CCT8: variants seen among roughly 807,000 people sequenced by gnomAD.
CCT8 encodes chaperonin containing TCP1 subunit 8.
In CCT8, 10 loss-of-function variants were observed where a neutral mutation model predicts 65.7. The observed-to-expected ratio is 0.15, with a 90% confidence interval of 0.09 to 0.26. CCT8 has a LOEUF of 0.26. Among genes scored for constraint, CCT8 ranks in the 10% least tolerant of loss-of-function variants. CCT8 has a pLI of 1.00. For synonymous variants in CCT8, 199 were observed against 221.8 expected, an observed-to-expected ratio of 0.90 and a Z score of 0.92; for missense variants, 568 against 669.1, an observed-to-expected ratio of 0.85 and a Z score of 1.67.
intron 7 of CCT8, 115 bp from the exon 8 acceptor site, chr21:29,063,645 A>C: frequency 1.1e-6 from 1 of 892,998 alleles, no homozygotes. Context: ...ATGAAGATAT[A>C]TGTGCATATA....
chr21:29,071,199 A>T (rs1311660807), intron 1 of CCT8, among the ~76,000 whole-genome samples: 2 of 152,204 alleles, frequency 1.3e-5, no homozygotes, highest in African/African-American at 2.4e-5. Flanking sequence ...AATTAAAATT[A>T]AAAAATTCAG....
At position 29,062,418 on chromosome 21, in the gene CCT8, G is replaced by A. The variant is rs1189505988; in HGVS notation, c.1009-3C>T. On this transcript the variant is annotated splice_region_variant and splice_polypyrimidine_tract_variant and intron_variant, in intron 9 of 14. Transcript: ENST00000286788. Reference sequence around the variant, plus strand: ...ATTTCTTCAAGGACAGGAGGTGTCTGTAAGAAAGTGACTGTTGTAATAAAA... The same window carrying A: ...ATTTCTTCAAGGACAGGAGGTGTCTATAAGAAAGTGACTGTTGTAATAAAA... 2 of 1,612,708 alleles carry A rather than the reference G, an allele frequency of 1.2e-6. No homozygotes were observed. The highest frequency in any genetic ancestry group is 8.5e-7 in the Non-Finnish European group (1 of 1,178,756).
intron 11 of CCT8, 109 bp downstream of exon 11, chr21:29,062,019 C>G: frequency 1.4e-6 from 1 of 730,334 alleles, no homozygotes; most frequent in East Asian, 2.5e-5. Context: ...TTCATATAAA[C>G]CACTCATTCT....
chr21:29,070,661 T>C (rs2085670584), intron 1 of CCT8, among the ~76,000 whole-genome samples: 1 of 152,194 alleles, frequency 6.6e-6, no homozygotes, highest in Non-Finnish European at 1.5e-5. Context: ...TCCTCTCTAG[T>C]TGAATGAATA....
chr21:29,072,010 TA>T (rs58699995), intron 1 of CCT8: 603 of 614,244 alleles, frequency 9.8e-4, no homozygotes, highest in Admixed American at 2.1e-3. Context: ...GTTGTTGTTT[TA>T]AAAAAAAAAC....
At chr21:29,065,502 G>C (rs2085612167) in intron 6 of CCT8, among the ~76,000 whole-genome samples, 1 of 152,216 alleles carries the variant, frequency 6.6e-6, no homozygotes, top group South Asian at 2.1e-4. Context: ...AGTACGTGGA[G>C]GGAGACAGCA....
Position 29,061,259 on chromosome 21 carries a change from A to G in CCT8, c.1443T>C (p.Asp481=), listed in dbSNP as rs765586727. ...TCAGTGTTTTTTCAAATACCTCAAT[A>G]TCTAATCCAACGTTTTTATTTCCTT... The part of the protein sequence containing the change: ...HQEGNKNVGL[D]IEAEVPAVKD... Residue 481 remains aspartate, a synonymous_variant, in exon 13 of 15, where the codon GAT becomes GAC. Transcript: ENST00000286788. The G allele has an allele frequency of 6.2e-7, 1 of 1,612,636 alleles. No individual in the cohort carries two copies. Among genetic ancestry groups the G allele is most frequent in the Admixed American group, 1.7e-5 (1 of 59,938 alleles).
chr21:29,070,404 C>CAAGATATAAGCA, intron 1 of CCT8, 67 bp from the exon 2 acceptor site: 3 of 927,566 alleles, frequency 3.2e-6, no homozygotes, highest in Non-Finnish European at 4.9e-6. Context: ...ATTTCAAATA[C>CAAGATATAAGCA]AAGATATCTT....
At chr21:29,066,637 T>G in intron 6 of CCT8, 79 bp downstream of exon 6, 1 of 865,928 alleles carries the variant, frequency 1.2e-6, no homozygotes. Flanking sequence ...ACACATTTTT[T>G]TTTTTTTGCA....
chr21:29,057,755 A>G, intron 14 of CCT8, among the ~76,000 whole-genome samples: 1 of 91,604 alleles, frequency 1.1e-5, no homozygotes, highest in East Asian at 2.6e-4. Context: ...ATGTATATGT[A>G]TGATATGAGA....
chr21:29,063,624 G>A (rs1046023262), intron 7 of CCT8, 94 bp from the exon 8 acceptor site: 3 of 1,236,580 alleles, frequency 2.4e-6, no homozygotes, highest in Non-Finnish European at 3.4e-6. Context: ...ATAAAGGTTT[G>A]GCAAAAAAAT....
chr21:29,058,716 C>A (rs142098854), intron 14 of CCT8, among the ~76,000 whole-genome samples: 1 of 150,674 alleles, frequency 6.6e-6, no homozygotes, highest in Non-Finnish European at 1.5e-5. Context: ...CTCAGCCTCC[C>A]GAGTAGCTGG....
chr21:29,066,648 CA>C (rs758539577), intron 6 of CCT8, 67 bp downstream of exon 6: 4 of 988,442 alleles, frequency 4.0e-6, no homozygotes, highest in Admixed American at 2.8e-5. Flanking sequence ...TTTTTTTGCA[CA>C]AAAAAACAAA....
chr21:29,069,660 T>C (rs1254960834), intron 2 of CCT8, among the ~76,000 whole-genome samples, 158 bp from the exon 3 acceptor site: 3 of 152,258 alleles, frequency 2.0e-5, no homozygotes, highest in African/African-American at 4.8e-5. Flanking sequence ...GTTTATCTTA[T>C]AGCCCCATGG....
At position 29,061,172 on chromosome 21, in the gene CCT8, A is replaced by C. The variant is rs149069543; in HGVS notation, c.1449+81T>G. 3 of 1,106,492 alleles carry C rather than the reference A, an allele frequency of 2.7e-6. No individual in the cohort carries two copies. The Admixed American group carries it at 6.2e-5, about 23-fold the overall frequency. The allele number at this position is 1,106,492 out of a possible 1,614,324, so 68.5% of individuals were successfully genotyped here. A position where few individuals can be genotyped will look rare whatever the true frequency, so the allele number is the denominator to read the frequency against. ...CAAATCAGAACACTGTTTCTCATTG[A>C]TATTTCTTTTAAACTCATACTATTT... On this transcript the variant is annotated intron_variant, in intron 13 of 14. Transcript: ENST00000286788.
At chr21:29,065,801 C>T (rs938404409) in intron 6 of CCT8, among the ~76,000 whole-genome samples, 2 of 152,046 alleles carry the variant, frequency 1.3e-5, no homozygotes, top group South Asian at 2.1e-4. Flanking sequence ...TAGTATTTTG[C>T]GCTGGGCGCG....
chr21:29,057,722 CAT>C (rs1048309404), intron 14 of CCT8, among the ~76,000 whole-genome samples: 6 of 82,380 alleles, frequency 7.3e-5, no homozygotes, highest in Admixed American at 1.2e-4. Flanking sequence ...ATATATCATA[CAT>C]ATATGTATGA....
At chr21:29,061,213 C>T (rs1601089137) in intron 13 of CCT8, 40 bp downstream of exon 13, 1 of 1,507,004 alleles carries the variant, frequency 6.6e-7, no homozygotes, top group East Asian at 2.3e-5. Context: ...TTGTGCATTC[C>T]CCAAATAAAG....
chr21:29,066,740 A>G lies in CCT8; in HGVS notation c.600T>C (p.Asp200=). The G allele has an allele frequency of 6.2e-7, 1 of 1,609,278 alleles. No homozygotes were observed. The highest frequency in any genetic ancestry group is 8.5e-7 in the Non-Finnish European group (1 of 1,177,396). Residue 200 remains aspartate (D), a synonymous_variant, in exon 6 of 15, where the codon GAT becomes GAC. Coordinates refer to ENST00000286788, the MANE Select transcript of CCT8 (RefSeq NM_006585.4). ...IFPDSGHFNV[D]NIRVCKILGS... is the part of the protein sequence containing the mutation. ...CCAGAATTTTACAAACTCTGATGTT[A>G]TCAACATTGAAATGGCCGGAATCAG...
Sources: allele counts gnomAD v4.1 joint callset (sites outside exome capture counted in the v4.1 genomes callset), GRCh38; gene constraint gnomAD v4.1.1; transcripts MANE v1.5; gene names NCBI Gene and HGNC (gene_info 2026-07-23, HGNC 2026-07-21).